PHF14: variants seen among roughly 807,000 people sequenced by gnomAD.
The protein encoded by PHF14 is PHD finger protein 14.
In PHF14, 55 loss-of-function variants were observed where a neutral mutation model predicts 117.9. The observed-to-expected ratio is 0.47, with a 90% CI of 0.38 to 0.58. PHF14 has a LOEUF of 0.58. Ranked by LOEUF, PHF14 falls within the 20% of genes least tolerant of loss-of-function variation. The pLI, the probability that PHF14 is intolerant of heterozygous loss-of-function variation, is 0.00. For synonymous variants in PHF14, 409 were observed against 368.6 expected (o/e 1.11, Z -1.26); for missense variants, 978 against 1,122.2 (o/e 0.87, Z 1.84).
chr7:11,075,117 T>C (rs1785782471), intron 16 of PHF14, among the ~76,000 whole-genome samples: 1 of 151,982 alleles, frequency 6.6e-6, no homozygotes, highest in African/African-American at 2.4e-5. Context: ...TTTTGTATTT[T>C]TAGAAGAGAC....
At chr7:11,134,666 C>G (rs1376851018) in intron 17 of PHF14, among the ~76,000 whole-genome samples, 2 of 152,140 alleles carry the variant, frequency 1.3e-5, no homozygotes, top group East Asian at 3.9e-4. Flanking sequence ...CAGGTCAGTT[C>G]TGGTCAGTGT....
At chr7:10,981,741 C>T (rs1320890820) in intron 2 of PHF14, among the ~76,000 whole-genome samples, 1 of 152,134 alleles carries the variant, frequency 6.6e-6, no homozygotes, top group Non-Finnish European at 1.5e-5. Context: ...TTGATAATTT[C>T]TCTTGCAACT....
chr7:11,016,854 T>C (rs1783552340), intron 5 of PHF14, among the ~76,000 whole-genome samples: 1 of 152,116 alleles, frequency 6.6e-6, no homozygotes, highest in African/African-American at 2.4e-5. Flanking sequence ...CTTTTTCGAC[T>C]CATTAACCAT....
intron 11 of PHF14, among the ~76,000 whole-genome samples, chr7:11,039,670 C>T (rs780567999): frequency 2.0e-5 from 3 of 152,134 alleles, no homozygotes; most frequent in Non-Finnish European, 2.9e-5. Context: ...GAGTCAAATT[C>T]ATCACACAGC....
chr7:11,032,044 C>T (rs1784137970), intron 7 of PHF14, among the ~76,000 whole-genome samples: 1 of 152,004 alleles, frequency 6.6e-6, no homozygotes, highest in Non-Finnish European at 1.5e-5. Context: ...TCTCTTGAGG[C>T]TGGCCTCAAG....
At chr7:10,980,651 T>G (rs1210050471) in intron 2 of PHF14, among the ~76,000 whole-genome samples, 1 of 152,304 alleles carries the variant, frequency 6.6e-6, no homozygotes, top group Non-Finnish European at 1.5e-5. Flanking sequence ...CAAACTTACT[T>G]GATGGCAAAG....
At position 11,112,185 on chromosome 7, in the gene PHF14, T is replaced by G. The variant is rs57337126; in HGVS notation, c.2772+718T>G. Among the ~76,000 whole-genome samples the G allele has an allele frequency of 6.9e-3, 1,053 of 152,274 alleles. 11 individuals are homozygous for G. Among genetic ancestry groups the G allele is most frequent in the African/African-American group, 0.024 (999 of 41,564 alleles). ...ATACATTTGAATGAAGACATTCTGG[T>G]CAACTGTAGATTAATCCGATTTTTC... On this transcript the variant is annotated intron_variant, in intron 17 of 17. Transcript: ENST00000634607.
At chr7:11,057,336 A>T (rs190890594) in intron 14 of PHF14, among the ~76,000 whole-genome samples, 63 of 152,250 alleles carry the variant, frequency 4.1e-4, no homozygotes, top group Non-Finnish European at 6.0e-4. Flanking sequence ...GAAATGTTTA[A>T]TTATTTGTTT....
chr7:11,048,106 C>A (rs1350737032), intron 13 of PHF14, among the ~76,000 whole-genome samples: 1 of 151,856 alleles, frequency 6.6e-6, no homozygotes, highest in Non-Finnish European at 1.5e-5. Flanking sequence ...CAGTATTGTC[C>A]ATGGGAATTA....
intron 17 of PHF14, among the ~76,000 whole-genome samples, chr7:11,126,950 A>G (rs1787945616): frequency 6.6e-6 from 1 of 152,036 alleles, no homozygotes; most frequent in African/African-American, 2.4e-5. Flanking sequence ...ATTGTGATTT[A>G]AGTAAATTTT....
intron 7 of PHF14, among the ~76,000 whole-genome samples, chr7:11,031,129 C>T (rs1417581700): frequency 1.3e-5 from 2 of 151,730 alleles, no homozygotes; most frequent in Non-Finnish European, 2.9e-5. Flanking sequence ...TTCTAGGGAA[C>T]TTTTCAAAAG....
Position 11,025,849 on chromosome 7 carries a change from C to A in PHF14, c.1318-2832C>A, listed in dbSNP as rs60358801. On this transcript the variant is annotated intron_variant, in intron 6 of 17. Transcript: ENST00000634607. ...TTGCCAGGCTGGGTGCGGTGGCTCACGCCTGTAATCCCGACACTTTGGGAG... is the reference window on the plus strand; with the variant it reads ...TTGCCAGGCTGGGTGCGGTGGCTCAAGCCTGTAATCCCGACACTTTGGGAG... Among the ~76,000 whole-genome samples the A allele has an allele frequency of 3.8e-3, 574 of 152,006 alleles. 2 individuals are homozygous for A. The highest frequency in any genetic ancestry group is 0.013 in the African/African-American group (521 of 41,484).
In PHF14 at chr7:11,103,750, C is replaced by T. The variant is rs1028410820; in HGVS notation, c.2655-7600C>T. 15 of 984,822 alleles carry T rather than the reference C, an allele frequency of 1.5e-5. 1 individual carries two copies. In the Admixed American group the frequency reaches 7.4e-4, roughly 49 times the overall value. The allele number at this position is 984,822 out of a possible 1,614,324, so 61.0% of individuals were successfully genotyped here. ...AAAAGCAATTGTAATTGTAAAGCTG[C>T]TGTAATCTAGTGATCTCTAGTTACA... On this transcript the variant is annotated intron_variant, in intron 16 of 17. Transcript: ENST00000634607.
intron 14 of PHF14, among the ~76,000 whole-genome samples, chr7:11,057,798 A>G (rs1486994662): frequency 6.6e-6 from 1 of 152,172 alleles, no homozygotes; most frequent in Non-Finnish European, 1.5e-5. Context: ...TTTTCAAGTA[A>G]GTTGATCACG....
chr7:11,144,793 A>T (rs1788500246), intron 17 of PHF14, among the ~76,000 whole-genome samples: 1 of 151,772 alleles, frequency 6.6e-6, no homozygotes, highest in Non-Finnish European at 1.5e-5. Flanking sequence ...TCTGAGATGT[A>T]CTACAACATA....
chr7:11,145,847 A>G (rs1405103724), intron 17 of PHF14, among the ~76,000 whole-genome samples: 1 of 152,072 alleles, frequency 6.6e-6, no homozygotes, highest in Admixed American at 6.6e-5. Flanking sequence ...TCTATCGTAT[A>G]CGTTATACAT....
At chr7:10,986,069 G>A (rs1782217503) in intron 3 of PHF14, among the ~76,000 whole-genome samples, 1 of 151,980 alleles carries the variant, frequency 6.6e-6, no homozygotes, top group African/African-American at 2.4e-5. Flanking sequence ...CCCAGGCTCA[G>A]GCAATTCTCC....
At position 11,035,529 on chromosome 7, in the gene PHF14, A is replaced by G. The variant is rs571989796; in HGVS notation, c.1456-111A>G. The G allele has an allele frequency of 3.0e-5, 17 of 567,786 alleles. 1 individual carries two copies. The Middle Eastern group carries it at 1.6e-3, about 55-fold the overall frequency. 35.2% of individuals were successfully genotyped at this position (567,786 alleles called of 1,614,324 possible). A position where few individuals can be genotyped will look rare whatever the true frequency, so the allele number is the denominator to read the frequency against. The stretch of plus-strand genomic sequence containing the variant: ...ATTATTTTTGTAATTTATTAGATGT[A>G]ACTAGCACTAGTAGATTCTTTGAAA... On this transcript the variant is annotated intron_variant, in intron 7 of 17. Transcript: ENST00000634607.
chr7:11,117,717 G>T (rs368037808), intron 17 of PHF14, among the ~76,000 whole-genome samples: 1 of 150,034 alleles, frequency 6.7e-6, no homozygotes, highest in Non-Finnish European at 1.5e-5. Context: ...GGAGTATCTT[G>T]CCACAATACA....
Sources: gnomAD v4.1 joint callset for allele counts (sites outside exome capture counted in the v4.1 genomes callset) on GRCh38, gnomAD v4.1.1 for gene constraint, MANE v1.5 for transcripts, NCBI Gene and HGNC (gene_info 2026-07-23, HGNC 2026-07-21) for gene names.